Variants in SGMS1 observed in about 807,000 individuals in gnomAD.
The protein encoded by SGMS1 is phosphatidylcholine:ceramide cholinephosphotransferase 1.
In SGMS1, 13 loss-of-function variants were observed where a neutral mutation model predicts 46.2. That is an observed-to-expected ratio of 0.28 (90% CI 0.18 to 0.45). SGMS1 has a LOEUF of 0.45. Among genes scored for constraint, SGMS1 ranks in the 20% least tolerant of loss-of-function variants. SGMS1 has a pLI of 1.00. For missense variants in SGMS1, 324 were observed against 519.9 expected, an observed-to-expected ratio of 0.62 and a Z score of 3.66; for synonymous variants, 203 against 187.8, an observed-to-expected ratio of 1.08 and a Z score of -0.66.
intron 6 of SGMS1, among the ~76,000 whole-genome samples, chr10:50,371,564 A>G (rs915757576): frequency 6.6e-6 from 1 of 152,134 alleles, no homozygotes; most frequent in African/African-American, 2.4e-5. Context: ...TACTTCAATT[A>G]CTTTGGACTA....
At chr10:50,521,776 C>T (rs11006017) in intron 2 of SGMS1, among the ~76,000 whole-genome samples, 4,076 of 152,198 alleles carry the variant, frequency 0.027, 83 homozygotes, top group African/African-American at 0.055. Flanking sequence ...CAGAAAACTA[C>T]AAAAGTGATA....
At chr10:50,428,412 G>A (rs1057339002) in intron 6 of SGMS1, among the ~76,000 whole-genome samples, 1 of 152,166 alleles carries the variant, frequency 6.6e-6, no homozygotes, top group African/African-American at 2.4e-5. Flanking sequence ...TGGGGCATCA[G>A]CCTTCTGTAG....
chr10:50,435,481 A>G (rs960213331), intron 5 of SGMS1, among the ~76,000 whole-genome samples: 10 of 152,248 alleles, frequency 6.6e-5, no homozygotes, highest in South Asian at 2.1e-4. Context: ...TGACAACAAT[A>G]TAAAACTTTT....
rs760688384 is a variant in SGMS1 at position 50,587,633 on chromosome 10, A to ATATGTGTG, written c.-589+2519_-589+2520insCACACATA. Among the ~76,000 whole-genome samples, 1,206 of 138,216 alleles carry ATATGTGTG rather than the reference A, an allele frequency of 8.7e-3. 26 individuals are homozygous for ATATGTGTG. The highest frequency in any genetic ancestry group is 0.039 in the East Asian group (181 of 4,608). The allele number at this position is 138,216 out of a possible 152,430, so 90.7% of individuals were successfully genotyped here. ...AGCAAGACTGCATCTCAAAATATATATGTGTGTGTGTGTGTGTGTGTGTGT... is the reference window on the plus strand; with the variant it reads ...AGCAAGACTGCATCTCAAAATATATATATGTGTGTGTGTGTGTGTGTGTGTGTGTGTGT... On this transcript the variant is annotated intron_variant, in intron 2 of 10. Transcript: ENST00000361781.
At chr10:50,360,738 C>T (rs933369442) in intron 6 of SGMS1, among the ~76,000 whole-genome samples, 1 of 152,174 alleles carries the variant, frequency 6.6e-6, no homozygotes, top group African/African-American at 2.4e-5. Context: ...CCTGAGAAGC[C>T]TGGGAAAGTC....
At chr10:50,367,185 GA>G (rs1848360973) in intron 6 of SGMS1, among the ~76,000 whole-genome samples, 1 of 152,100 alleles carries the variant, frequency 6.6e-6, no homozygotes, top group Non-Finnish European at 1.5e-5. Flanking sequence ...ATTTCACTGA[GA>G]AAAAGTCTAC....
chr10:50,313,056 ATGT>A (rs777170611), intron 8 of SGMS1, among the ~76,000 whole-genome samples: 1 of 152,244 alleles, frequency 6.6e-6, no homozygotes, highest in African/African-American at 2.4e-5. Context: ...AGGAAACAAA[ATGT>A]TGTGCAGAGA....
intron 2 of SGMS1, among the ~76,000 whole-genome samples, chr10:50,562,035 A>C (rs1307522685): frequency 1.3e-5 from 2 of 152,156 alleles, no homozygotes; most frequent in Non-Finnish European, 2.9e-5. Context: ...CTTCCAGGAG[A>C]GTATGAAAAA....
intron 3 of SGMS1, among the ~76,000 whole-genome samples, chr10:50,476,509 T>G (rs1837429395): frequency 6.6e-6 from 1 of 152,060 alleles, no homozygotes; most frequent in Admixed American, 6.6e-5. Flanking sequence ...GAGGAGAAAT[T>G]CAAGCCAGCT....
chr10:50,557,983 C>G (rs996519518), intron 2 of SGMS1, among the ~76,000 whole-genome samples: 4 of 152,236 alleles, frequency 2.6e-5, no homozygotes, highest in Admixed American at 1.3e-4. Context: ...CCAAACTCTA[C>G]TTCAGCCAAT....
At chr10:50,577,991 A>T (rs1838400241) in intron 2 of SGMS1, among the ~76,000 whole-genome samples, 1 of 152,232 alleles carries the variant, frequency 6.6e-6, no homozygotes, top group South Asian at 2.1e-4. Context: ...AAGGACTGGT[A>T]TTTGACAGAG....
intron 6 of SGMS1, among the ~76,000 whole-genome samples, chr10:50,425,642 A>G (rs1849315281): frequency 6.6e-6 from 1 of 152,194 alleles, no homozygotes; most frequent in Non-Finnish European, 1.5e-5. Flanking sequence ...ATTGAGTACT[A>G]TGCTCGCTAC....
At chr10:50,376,936 G>T (rs953070531) in intron 6 of SGMS1, among the ~76,000 whole-genome samples, 1 of 152,122 alleles carries the variant, frequency 6.6e-6, no homozygotes, top group African/African-American at 2.4e-5. Flanking sequence ...ATGAAAAAAG[G>T]TTACTCATAT....
intron 2 of SGMS1, among the ~76,000 whole-genome samples, chr10:50,584,053 C>T (rs998537334): frequency 7.2e-5 from 11 of 152,178 alleles, no homozygotes; most frequent in Non-Finnish European, 1.2e-4. Context: ...AAGAAAACAA[C>T]TATGATATTT....
At chr10:50,370,010 T>C (rs1848409622) in intron 6 of SGMS1, among the ~76,000 whole-genome samples, 1 of 152,206 alleles carries the variant, frequency 6.6e-6, no homozygotes, top group South Asian at 2.1e-4. Flanking sequence ...TGTATCTAAA[T>C]GCAGAAAAGG....
chr10:50,508,949 C>A (rs2133769508), intron 3 of SGMS1, among the ~76,000 whole-genome samples: 1 of 152,290 alleles, frequency 6.6e-6, no homozygotes, highest in Non-Finnish European at 1.5e-5. Flanking sequence ...AAAAACAGGG[C>A]TTGGGGCTCA....
intron 7 of SGMS1, among the ~76,000 whole-genome samples, chr10:50,336,942 A>C (rs1451425329): frequency 6.6e-6 from 1 of 152,232 alleles, no homozygotes; most frequent in Non-Finnish European, 1.5e-5. Flanking sequence ...ACATGGATTA[A>C]AAGGAACAGA....
intron 8 of SGMS1, among the ~76,000 whole-genome samples, chr10:50,324,523 C>A (rs1001177467): frequency 3.3e-5 from 5 of 152,128 alleles, no homozygotes; most frequent in Admixed American, 3.3e-4. Flanking sequence ...CCAGTGTCAC[C>A]CTTTTCTGTC....
intron 3 of SGMS1, among the ~76,000 whole-genome samples, chr10:50,519,307 T>C (rs1837837148): frequency 6.6e-6 from 1 of 152,160 alleles, no homozygotes. Context: ...TAGGTCAAGC[T>C]CTTTATTTCA....
Sources: gnomAD v4.1 joint callset for allele counts (sites outside exome capture counted in the v4.1 genomes callset) on GRCh38, gnomAD v4.1.1 for gene constraint, MANE v1.5 for transcripts, NCBI Gene and HGNC (gene_info 2026-07-23, HGNC 2026-07-21) for gene names.